The following CNTNAP3B variants were observed in gnomAD, a reference collection of about 807,000 sequenced individuals.
The protein encoded by CNTNAP3B is contactin associated protein family member 3B, also known as contactin-associated protein-like 3B.
In CNTNAP3B, 25 loss-of-function variants were observed where a neutral mutation model predicts 108.9. The observed-to-expected ratio is 0.23, with a 90% CI of 0.17 to 0.32. The LOEUF is 0.32. CNTNAP3B is among the 10% of genes least tolerant of loss of function. The pLI is 1.00. For synonymous variants in CNTNAP3B, 103 were observed against 473.4 expected (o/e 0.22, Z 10.16); for missense variants, 252 against 1,210.4 (o/e 0.21, Z 11.75).
At chr9:41,995,949 T>C (rs1316906661) in intron 7 of CNTNAP3B, among the ~76,000 whole-genome samples, 11 of 144,884 alleles carry the variant, frequency 7.6e-5, no homozygotes, top group Admixed American at 2.0e-4. Context: ...GGCAGGAGAA[T>C]TGCTTGAACC....
intron 17 of CNTNAP3B, among the ~76,000 whole-genome samples, chr9:41,921,846 C>T (rs1212810000): frequency 1.1e-4 from 17 of 149,716 alleles, no homozygotes; most frequent in African/African-American, 2.2e-4. Context: ...AGCCTGGCCG[C>T]GGGGGAGGTG....
chr9:42,032,756 C>T lies in CNTNAP3B; in HGVS notation c.391-19231G>A, dbSNP rs555721736. On this transcript the variant is annotated intron_variant, in intron 3 of 23. Transcript: ENST00000377561. ...CAGACTGGGAGGTTTAAATAATAGA[C>T]ACTTATTCTCGCACAGCTCTGGAGG... Among the ~76,000 whole-genome samples, 158 of 135,972 alleles carry T rather than the reference C, an allele frequency of 1.2e-3. 9 individuals are homozygous for T. Among genetic ancestry groups the T allele is most frequent in the Middle Eastern group, 3.5e-3 (1 of 284 alleles). 89.2% of individuals were successfully genotyped at this position (135,972 alleles called of 152,430 possible). A position where few individuals can be genotyped will look rare whatever the true frequency, so the allele number is the denominator to read the frequency against.
chr9:41,959,084 C>A (rs1271634507), intron 12 of CNTNAP3B, among the ~76,000 whole-genome samples: 1 of 142,946 alleles, frequency 7.0e-6, no homozygotes, highest in Non-Finnish European at 1.5e-5. Context: ...GTATATAAGC[C>A]TGCCTGTCTC....
intron 1 of CNTNAP3B, among the ~76,000 whole-genome samples, chr9:42,121,161 G>C (rs1263945958): frequency 7.3e-6 from 1 of 137,628 alleles, no homozygotes; most frequent in Admixed American, 7.3e-5. Context: ...CATTCCCCCT[G>C]CTGTCTCTCA....
At chr9:41,934,122 T>TATATATATATATATATATATAG (rs1214326050) in intron 14 of CNTNAP3B, among the ~76,000 whole-genome samples, 1 of 73,470 alleles carries the variant, frequency 1.4e-5, no homozygotes, top group Non-Finnish European at 2.6e-5. Context: ...TATATATATA[T>TATATATATATATATATATATAG]ACACACACAT....
At chr9:41,948,311 C>G (rs958656298) in intron 13 of CNTNAP3B, among the ~76,000 whole-genome samples, 2 of 152,044 alleles carry the variant, frequency 1.3e-5, no homozygotes, top group Non-Finnish European at 2.9e-5. Flanking sequence ...AGGCAGGTCT[C>G]GAACTCCTGA....
chr9:42,034,272 C>T (rs1259662747), intron 3 of CNTNAP3B, among the ~76,000 whole-genome samples: 1 of 123,104 alleles, frequency 8.1e-6, no homozygotes, highest in East Asian at 2.7e-4. Flanking sequence ...ACTTCCAACC[C>T]TTCTTTCCTC....
intron 3 of CNTNAP3B, among the ~76,000 whole-genome samples, chr9:42,035,610 C>T (rs1193973001): frequency 6.7e-6 from 1 of 148,936 alleles, no homozygotes; most frequent in Non-Finnish European, 1.5e-5. Context: ...CAGTGCCTGA[C>T]ACATAGTACA....
At chr9:42,126,781 G>T (rs1296841256) in intron 1 of CNTNAP3B, among the ~76,000 whole-genome samples, 2 of 137,124 alleles carry the variant, frequency 1.5e-5, no homozygotes, top group Non-Finnish European at 3.1e-5. Context: ...TGGTGGCCAA[G>T]CTGGTCTCGA....
rs927183145 is a variant in CNTNAP3B at position 42,077,640 on chromosome 9, AAAAAAT to A, written c.197-584_197-579del. Among the ~76,000 whole-genome samples the A allele has an allele frequency of 1.5e-5, 2 of 132,646 alleles. 1 individual carries two copies. Among genetic ancestry groups the A allele is most frequent in the African/African-American group, 6.1e-5 (2 of 32,758 alleles). 87.0% of individuals were successfully genotyped at this position (132,646 alleles called of 152,430 possible). On this transcript the variant is annotated intron_variant, in intron 2 of 23. Transcript: ENST00000377561. ...CTGGGGTGTGGAGGAGATATTGGTT[AAAAAAT>A]ACAAAAAGGTATGGAGTAGCAAATG...
intron 1 of CNTNAP3B, among the ~76,000 whole-genome samples, chr9:42,109,434 A>G (rs552647137): frequency 7.0e-6 from 1 of 143,468 alleles, no homozygotes; most frequent in Non-Finnish European, 1.5e-5. Context: ...GGATCTGATA[A>G]TAAGAATGAA....
intron 4 of CNTNAP3B, among the ~76,000 whole-genome samples, chr9:42,012,068 C>A (rs1374281503): frequency 1.0e-5 from 1 of 98,938 alleles, no homozygotes; most frequent in African/African-American, 3.8e-5. Context: ...CTGGTACCAA[C>A]CTCCAGCCCA....
chr9:41,934,815 C>T (rs1313882060), intron 14 of CNTNAP3B, among the ~76,000 whole-genome samples: 1 of 152,280 alleles, frequency 6.6e-6, no homozygotes, highest in Admixed American at 6.5e-5. Flanking sequence ...TTTAAATGAA[C>T]AGAGTTTACT....
chr9:41,943,611 C>G (rs1204990089), intron 13 of CNTNAP3B, among the ~76,000 whole-genome samples: 1 of 150,726 alleles, frequency 6.6e-6, no homozygotes, highest in African/African-American at 2.5e-5. Context: ...CTCGGCCTCC[C>G]AAAGTGCTGG....
In CNTNAP3B at chr9:42,113,532, GA is replaced by G. The variant is rs895141933; in HGVS notation, c.86-8794del. 1.0e-4 allele frequency among the ~76,000 whole-genome samples: 14 copies of G among 138,578 alleles called. 2 individuals carry two copies. Among genetic ancestry groups the G allele is most frequent in the Non-Finnish European group, 1.7e-4 (11 of 64,692 alleles). 90.9% of individuals were successfully genotyped at this position (138,578 alleles called of 152,430 possible). A position where few individuals can be genotyped will look rare whatever the true frequency, so the allele number is the denominator to read the frequency against. On this transcript the variant is annotated intron_variant, in intron 1 of 23. Coordinates refer to ENST00000377561, the MANE Select transcript of CNTNAP3B (RefSeq NM_001201380.3). Reference sequence around the variant, plus strand: ...GCAGAAAGACATCAGACACGACACAGAAAAAAATACAACAACACAGGTGCAT... The same window carrying G: ...GCAGAAAGACATCAGACACGACACAGAAAAAATACAACAACACAGGTGCAT...
intron 9 of CNTNAP3B, chr9:41,979,587 G>C (rs1352837904): frequency 6.0e-5 from 2 of 33,372 alleles, no homozygotes; most frequent in Admixed American, 8.2e-4. Context: ...CACAGAAACT[G>C]TGTTGGCTAT....
At chr9:42,059,929 T>C in intron 3 of CNTNAP3B, among the ~76,000 whole-genome samples, 1 of 148,148 alleles carries the variant, frequency 6.8e-6, no homozygotes, top group African/African-American at 2.6e-5. Context: ...TTTGTTGAAG[T>C]CTTTAGGGCT....
intron 10 of CNTNAP3B, among the ~76,000 whole-genome samples, chr9:41,967,453 C>T (rs1194808168): frequency 6.6e-6 from 1 of 151,842 alleles, no homozygotes; most frequent in Non-Finnish European, 1.5e-5. Context: ...ACTGTGAATC[C>T]ATTAAGCCTT....
chr9:41,962,147 ATAAT>A (rs1180388721), intron 11 of CNTNAP3B, among the ~76,000 whole-genome samples: 79 of 152,276 alleles, frequency 5.2e-4, no homozygotes, highest in African/African-American at 1.8e-3. Context: ...TTTTAATTGT[ATAAT>A]TAATTATATA....
Sources: gnomAD v4.1 joint callset for allele counts (sites outside exome capture counted in the v4.1 genomes callset) on GRCh38, gnomAD v4.1.1 for gene constraint, MANE v1.5 for transcripts, NCBI Gene and HGNC (gene_info 2026-07-23, HGNC 2026-07-21) for gene names.